TMEFF2: variants seen among roughly 807,000 people sequenced by gnomAD.
TMEFF2 encodes the protein tomoregulin-2.
A neutral mutation model predicts 53.8 loss-of-function variants in TMEFF2; 28 were observed. The ratio of observed to expected loss-of-function variants is 0.52; its 90% confidence interval spans 0.39 to 0.71. The LOEUF (loss-of-function observed/expected upper bound fraction) is 0.71. Ranked by LOEUF, TMEFF2 falls within the 30% of genes least tolerant of loss-of-function variation. The pLI is 0.00. For missense variants in TMEFF2, 353 were observed against 455.2 expected (o/e 0.78, Z 2.04); for synonymous variants, 162 against 166.3 (o/e 0.97, Z 0.20).
At chr2:192,112,360 C>A (rs1689301573) in intron 4 of TMEFF2, among the ~76,000 whole-genome samples, 1 of 152,176 alleles carries the variant, frequency 6.6e-6, no homozygotes, top group Non-Finnish European at 1.5e-5. Flanking sequence ...CATTTTGGAG[C>A]TTTAAGATTT....
chr2:192,096,684 T>G (rs1174701101), intron 4 of TMEFF2, among the ~76,000 whole-genome samples: 1 of 141,926 alleles, frequency 7.0e-6, no homozygotes, highest in Non-Finnish European at 1.5e-5. Context: ...TTTTTTTTTT[T>G]TTTTTTTTTG....
intron 5 of TMEFF2, among the ~76,000 whole-genome samples, chr2:192,049,666 G>A (rs1237089869): frequency 6.6e-6 from 1 of 152,090 alleles, no homozygotes; most frequent in Non-Finnish European, 1.5e-5. Flanking sequence ...CATTAACAGG[G>A]TGTGGCCTGC....
chr2:192,168,733 C>G (rs1235791409), intron 4 of TMEFF2, among the ~76,000 whole-genome samples: 1 of 151,966 alleles, frequency 6.6e-6, no homozygotes, highest in Non-Finnish European at 1.5e-5. Flanking sequence ...CCATTCATAT[C>G]CAGCTTTTAA....
chr2:192,178,524 G>GA (rs11462265), intron 4 of TMEFF2: 129,556 of 150,408 alleles, frequency 0.86, 55,995 homozygotes, highest in East Asian at 1. Context: ...TAGTCTTTAG[G>GA]AAAAAAATTG....
intron 7 of TMEFF2, among the ~76,000 whole-genome samples, chr2:191,992,891 A>G (rs1686141183): frequency 6.6e-6 from 1 of 152,076 alleles, no homozygotes; most frequent in South Asian, 2.1e-4. Flanking sequence ...GGAACTGCCA[A>G]ATGGTTAACG....
In TMEFF2 at chr2:191,998,077, C is replaced by G. The variant is rs534804649; in HGVS notation, c.745+185G>C. On this transcript the variant is annotated intron_variant, in intron 7 of 9. Coordinates refer to ENST00000272771, the MANE Select transcript of TMEFF2 (RefSeq NM_016192.4). ...CAATTGCTTTAACTCTGGCAAAAAC[C>G]GTATGTCTTCTTTGCTTCAACAAAA... Among the ~76,000 whole-genome samples, 11 of 151,960 alleles carry G rather than the reference C, an allele frequency of 7.2e-5. No individual in the cohort carries two copies. The East Asian group carries it at 2.1e-3, about 29-fold the overall frequency.
chr2:191,963,119 A>T (rs1692319338), intron 7 of TMEFF2, among the ~76,000 whole-genome samples: 1 of 152,088 alleles, frequency 6.6e-6, no homozygotes, highest in African/African-American at 2.4e-5. Flanking sequence ...GAGTTGCCTT[A>T]AGCTTATCTG....
intron 4 of TMEFF2, among the ~76,000 whole-genome samples, chr2:192,139,650 A>C (rs1228377695): frequency 6.6e-6 from 1 of 152,182 alleles, no homozygotes; most frequent in Non-Finnish European, 1.5e-5. Flanking sequence ...TCAACCCTGG[A>C]CAATTTCATA....
intron 7 of TMEFF2, among the ~76,000 whole-genome samples, chr2:191,989,476 C>T (rs903200019): frequency 6.6e-6 from 1 of 152,178 alleles, no homozygotes; most frequent in African/African-American, 2.4e-5. Flanking sequence ...ATGCCCTAAA[C>T]ATCTAAAGAA....
At chr2:192,009,114 G>A (rs1188037795) in intron 5 of TMEFF2, among the ~76,000 whole-genome samples, 2 of 152,130 alleles carry the variant, frequency 1.3e-5, no homozygotes, top group Non-Finnish European at 2.9e-5. Flanking sequence ...TATTTTCAGA[G>A]AACACAAGGT....
At chr2:192,047,613 C>T (rs1038678954) in intron 5 of TMEFF2, among the ~76,000 whole-genome samples, 2 of 152,186 alleles carry the variant, frequency 1.3e-5, no homozygotes, top group Non-Finnish European at 2.9e-5. Context: ...GATGAATGGA[C>T]CCACTCTTGA....
At chr2:191,956,214 T>G in intron 8 of TMEFF2, 41 bp downstream of exon 8, 2 of 1,555,694 alleles carry the variant, frequency 1.3e-6, no homozygotes, top group South Asian at 1.2e-5. Context: ...TTCTACATAT[T>G]AACTTTATAC....
At chr2:191,958,996 CCAAA>C (rs1292920561) in intron 7 of TMEFF2, among the ~76,000 whole-genome samples, 7 of 152,072 alleles carry the variant, frequency 4.6e-5, no homozygotes, top group Admixed American at 1.3e-4. Flanking sequence ...AATCTAATAT[CCAAA>C]CAAACATGTA....
At chr2:192,110,882 C>T (rs1574381742) in intron 4 of TMEFF2, among the ~76,000 whole-genome samples, 1 of 152,236 alleles carries the variant, frequency 6.6e-6, no homozygotes, top group East Asian at 1.9e-4. Context: ...ATACTGTTCT[C>T]ATGGTACTGA....
chr2:192,049,263 A>G (rs981081097), intron 5 of TMEFF2, among the ~76,000 whole-genome samples: 17 of 152,182 alleles, frequency 1.1e-4, no homozygotes, highest in African/African-American at 3.9e-4. Context: ...CCTGGCTGGC[A>G]CAAATTGTGG....
chr2:192,093,827 A>AC (rs1345712612), intron 4 of TMEFF2, among the ~76,000 whole-genome samples: 1 of 151,966 alleles, frequency 6.6e-6, no homozygotes, highest in Admixed American at 6.6e-5. Context: ...TTTCTTAAAA[A>AC]AAAAAGAAAA....
At chr2:192,156,460 C>G (rs371657768) in intron 4 of TMEFF2, among the ~76,000 whole-genome samples, 1 of 151,960 alleles carries the variant, frequency 6.6e-6, no homozygotes, top group Non-Finnish European at 1.5e-5. Flanking sequence ...AACCCAGAGT[C>G]TGGGTCCTTA....
intron 4 of TMEFF2, among the ~76,000 whole-genome samples, chr2:192,129,860 C>A (rs974808676): frequency 3.9e-5 from 6 of 152,174 alleles, no homozygotes; most frequent in African/African-American, 1.2e-4. Context: ...TGTTTTTAGT[C>A]ATTTACATTT....
At chr2:192,044,935 C>T (rs772366933) in intron 5 of TMEFF2, among the ~76,000 whole-genome samples, 6 of 152,090 alleles carry the variant, frequency 3.9e-5, no homozygotes, top group Non-Finnish European at 5.9e-5. Flanking sequence ...AGCAGCACTC[C>T]ATCATCAAAT....
Sources: allele counts gnomAD v4.1 joint callset (sites outside exome capture counted in the v4.1 genomes callset), GRCh38; gene constraint gnomAD v4.1.1; transcripts MANE v1.5; gene names NCBI Gene and HGNC (gene_info 2026-07-23, HGNC 2026-07-21).